The following UBE2G1 variants were observed in gnomAD, a reference collection of about 807,000 sequenced individuals.
UBE2G1 encodes ubiquitin-conjugating enzyme E2 G1.
A neutral mutation model predicts 22.7 loss-of-function variants in UBE2G1; 5 were observed. The ratio of observed to expected loss-of-function variants is 0.22; its 90% CI spans 0.12 to 0.46. UBE2G1 has a LOEUF of 0.46. Among genes scored for constraint, UBE2G1 ranks in the 20% least tolerant of loss-of-function variants. The pLI is 0.99. For missense variants in UBE2G1, 88 were observed against 203.9 expected, an observed-to-expected ratio of 0.43 and a Z score of 3.46; for synonymous variants, 74 against 67.5, an observed-to-expected ratio of 1.10 and a Z score of -0.47.
At chr17:4,296,690 T>C (rs1460120063) in intron 3 of UBE2G1, 27 bp downstream of exon 3, 1 of 1,600,676 alleles carries the variant, frequency 6.2e-7, no homozygotes, top group Non-Finnish European at 8.6e-7. Context: ...AATCTGCAAA[T>C]GTAAAAGTAA....
chr17:4,322,866 AC>A (rs1969458300), intron 1 of UBE2G1, among the ~76,000 whole-genome samples: 1 of 152,192 alleles, frequency 6.6e-6, no homozygotes, highest in Non-Finnish European at 1.5e-5. Context: ...GCAGCATGGA[AC>A]CACCGAGCAC....
chr17:4,294,475 T>C (rs1969085029), intron 3 of UBE2G1, among the ~76,000 whole-genome samples: 1 of 148,326 alleles, frequency 6.7e-6, no homozygotes, highest in Admixed American at 6.7e-5. Flanking sequence ...GAAAAAAAAG[T>C]CTCTTCAACC....
chr17:4,325,841 C>A (rs1345400732), intron 1 of UBE2G1, among the ~76,000 whole-genome samples: 2 of 152,094 alleles, frequency 1.3e-5, no homozygotes, highest in Non-Finnish European at 2.9e-5. Context: ...TGATTTTCAA[C>A]AAGGTTGACT....
At chr17:4,273,935 C>T (rs931214105) in intron 5 of UBE2G1, among the ~76,000 whole-genome samples, 1 of 152,120 alleles carries the variant, frequency 6.6e-6, no homozygotes. Context: ...AATTTTAACT[C>T]ACACCAGACA....
chr17:4,344,472 G>A (rs986028370), intron 1 of UBE2G1, among the ~76,000 whole-genome samples: 2 of 151,594 alleles, frequency 1.3e-5, no homozygotes, highest in Non-Finnish European at 2.9e-5. Flanking sequence ...CCCGGGAGGC[G>A]GAGGCTGCAA....
At chr17:4,275,425 T>A (rs1968810028) in intron 5 of UBE2G1, among the ~76,000 whole-genome samples, 1 of 152,256 alleles carries the variant, frequency 6.6e-6, no homozygotes, top group Non-Finnish European at 1.5e-5. Context: ...TGAAATTATA[T>A]CAATTGCACC....
intron 1 of UBE2G1, among the ~76,000 whole-genome samples, chr17:4,328,547 A>C (rs1026382606): frequency 6.6e-6 from 1 of 152,210 alleles, no homozygotes; most frequent in African/African-American, 2.4e-5. Context: ...CGATAAAATA[A>C]GAGGATGCTG....
rs1266242467 is a variant in UBE2G1, at chr17:4,366,466, G to A, written c.-150C>T. 8.6e-6 allele frequency: 6 copies of A among 698,214 alleles called. No individual in the cohort carries two copies. The highest frequency in any genetic ancestry group is 7.6e-5 in the African/African-American group (4 of 52,958). 43.3% of individuals were successfully genotyped at this position (698,214 alleles called of 1,614,324 possible). ...AAGGCCGGGCTGAGGCGGCGGGAGC[G>A]GCGCCTCGCTGCCGGTGCGAGTCCG... On this transcript the variant is annotated 5_prime_UTR_variant, in exon 1 of 6. Coordinates refer to ENST00000396981, the MANE Select transcript of UBE2G1 (RefSeq NM_003342.5).
At chr17:4,296,958 C>A (rs2143711612) in intron 2 of UBE2G1, 144 bp from the exon 3 acceptor site, 1 of 665,524 alleles carries the variant, frequency 1.5e-6, no homozygotes, top group African/African-American at 1.8e-5. Context: ...CAGGCAGTTA[C>A]TTTCTCAAAT....
intron 5 of UBE2G1, among the ~76,000 whole-genome samples, chr17:4,276,551 A>G (rs1359006820): frequency 6.6e-6 from 1 of 152,168 alleles, no homozygotes; most frequent in East Asian, 1.9e-4. Context: ...AGTATAGTGT[A>G]TCTATCGCAT....
intron 1 of UBE2G1, among the ~76,000 whole-genome samples, chr17:4,313,666 G>A (rs1419657283): frequency 3.3e-5 from 5 of 152,192 alleles, no homozygotes; most frequent in Non-Finnish European, 5.9e-5. Context: ...CAGGAAGTGA[G>A]AGTAGTATCT....
intron 1 of UBE2G1, among the ~76,000 whole-genome samples, chr17:4,347,960 G>A (rs1374724197): frequency 6.6e-6 from 1 of 152,124 alleles, no homozygotes; most frequent in East Asian, 1.9e-4. Flanking sequence ...TGATTCTCAG[G>A]ACTCCCAATT....
At chr17:4,307,392 TAAGG>T in intron 1 of UBE2G1, among the ~76,000 whole-genome samples, 1 of 152,280 alleles carries the variant, frequency 6.6e-6, no homozygotes, top group South Asian at 2.1e-4. Flanking sequence ...AGTGGTCTTT[TAAGG>T]AAGCTTGTTA....
At chr17:4,320,592 G>A (rs1016483323) in intron 1 of UBE2G1, among the ~76,000 whole-genome samples, 4 of 152,164 alleles carry the variant, frequency 2.6e-5, no homozygotes, top group Admixed American at 2.6e-4. Context: ...CTAAGTAGTA[G>A]AATATTTTCA....
chr17:4,340,794 G>T (rs73330838), intron 1 of UBE2G1, among the ~76,000 whole-genome samples: 6,901 of 149,402 alleles, frequency 0.046, 576 homozygotes, highest in African/African-American at 0.16. Context: ...CTTAAATAGA[G>T]ATGGGGTCTC....
intron 1 of UBE2G1, among the ~76,000 whole-genome samples, chr17:4,355,306 C>A (rs994567446): frequency 1.3e-5 from 2 of 150,976 alleles, no homozygotes; most frequent in Non-Finnish European, 2.9e-5. Flanking sequence ...GGATTACAGG[C>A]ATGAGTCACT....
At chr17:4,346,435 T>C (rs531907666) in intron 1 of UBE2G1, among the ~76,000 whole-genome samples, 37,031 of 125,342 alleles carry the variant, frequency 0.3, 3,830 homozygotes, top group African/African-American at 0.39. Flanking sequence ...CTTCTTCTTT[T>C]TTTTTTTTTT....
chr17:4,360,955 C>A (rs548601591), intron 1 of UBE2G1, among the ~76,000 whole-genome samples: 1 of 152,298 alleles, frequency 6.6e-6, no homozygotes, highest in East Asian at 1.9e-4. Context: ...GGCGCAGTGG[C>A]TCCTGCCTGT....
At chr17:4,344,816 G>A (rs1015329621) in intron 1 of UBE2G1, among the ~76,000 whole-genome samples, 5 of 152,136 alleles carry the variant, frequency 3.3e-5, no homozygotes, top group African/African-American at 1.2e-4. Context: ...AGCTATCACT[G>A]TGCCACCTCA....
Sources: gnomAD v4.1 joint callset for allele counts (sites outside exome capture counted in the v4.1 genomes callset) on GRCh38, gnomAD v4.1.1 for gene constraint, MANE v1.5 for transcripts, NCBI Gene and HGNC (gene_info 2026-07-23, HGNC 2026-07-21) for gene names.